PREX1: variants seen among roughly 807,000 people sequenced by gnomAD.
The protein encoded by PREX1 is phosphatidylinositol 3,4,5-trisphosphate-dependent Rac exchanger 1 protein.
In PREX1, 41 loss-of-function variants were observed where a neutral mutation model predicts 198.3. That is an observed-to-expected ratio of 0.21 (90% CI 0.16 to 0.27). PREX1 has a LOEUF of 0.27. PREX1 is among the 10% of genes least tolerant of loss of function. PREX1 has a pLI of 1.00. For missense variants in PREX1, 1,620 were observed against 2,200.7 expected (o/e 0.74, Z 5.28); for synonymous variants, 843 against 887.2 (o/e 0.95, Z 0.89).
the PREX1 span, among the ~76,000 whole-genome samples, chr20:48,838,199 C>T: frequency 0.028 from 4,277 of 152,274 alleles, 207 homozygotes; most frequent in African/African-American, 0.098. Flanking sequence ...GTTCTATTTC[C>T]TAACCCACAT....
the PREX1 span, among the ~76,000 whole-genome samples, chr20:48,883,287 C>T: frequency 1.3e-5 from 2 of 151,988 alleles, no homozygotes; most frequent in African/African-American, 2.4e-5. Flanking sequence ...TAAAAAATCC[C>T]ACAGCTAACA....
the PREX1 span, among the ~76,000 whole-genome samples, chr20:48,884,294 G>A: frequency 6.6e-6 from 1 of 152,118 alleles, no homozygotes; most frequent in African/African-American, 2.4e-5. Flanking sequence ...TTACTATAAG[G>A]TCACAATAAT....
chr20:48,726,298 G>T lies in PREX1; in HGVS notation c.613C>A (p.Leu205Ile). The T allele has an allele frequency of 6.2e-7, 1 of 1,613,426 alleles. No homozygotes were observed. Among genetic ancestry groups the T allele is most frequent in the South Asian group, 1.1e-5 (1 of 90,884 alleles). ...ATACGGGAAAGTCTCACCTTAAGGAGGAGCGGGTACTTGCAGATCCTCTGG... is the reference window on the plus strand; with the variant it reads ...ATACGGGAAAGTCTCACCTTAAGGATGAGCGGGTACTTGCAGATCCTCTGG... ...PIQRICKYPL[L>I]LKELAKRTPG... The change falls in exon 5 of 40, where the codon CTC becomes ATC. Residue 205 changes from leucine (L) to isoleucine (I), a missense_variant. By Grantham distance (5) the Leu-to-Ile change is conservative. Transcript: ENST00000371941.
the PREX1 span, among the ~76,000 whole-genome samples, chr20:48,844,008 C>T: frequency 6.6e-6 from 1 of 152,010 alleles, no homozygotes; most frequent in African/African-American, 2.4e-5. Flanking sequence ...GGCATGGTGG[C>T]ATGCAACACT....
chr20:48,829,988 G>A (rs978581477), upstream of PREX1, among the ~76,000 whole-genome samples: 9 of 152,136 alleles, frequency 5.9e-5, no homozygotes, highest in African/African-American at 1.9e-4. Context: ...GGGGAGGGGC[G>A]TGTCCTGTGC....
At chr20:48,854,016 G>A in the PREX1 span, among the ~76,000 whole-genome samples, 1 of 152,200 alleles carries the variant, frequency 6.6e-6, no homozygotes, top group African/African-American at 2.4e-5. Context: ...CTGCAAGGTG[G>A]AAACCCAATC....
chr20:48,840,799 C>G, the PREX1 span, among the ~76,000 whole-genome samples: 1 of 152,212 alleles, frequency 6.6e-6, no homozygotes, highest in Admixed American at 6.5e-5. Context: ...AGTTCTGTTG[C>G]TTACAATTGC....
intron 3 of PREX1, among the ~76,000 whole-genome samples, chr20:48,743,047 A>T (rs1392138436): frequency 6.6e-6 from 1 of 152,174 alleles, no homozygotes; most frequent in Non-Finnish European, 1.5e-5. Context: ...GGCCGGAGTA[A>T]CACTCACAGC....
intron 1 of PREX1, among the ~76,000 whole-genome samples, chr20:48,791,617 G>A (rs1450389702): frequency 2.0e-5 from 3 of 152,156 alleles, no homozygotes; most frequent in Non-Finnish European, 2.9e-5. Flanking sequence ...CAACACAATT[G>A]AAACGGACAA....
At position 48,655,369 on chromosome 20, in the gene PREX1, G is replaced by C. The variant is rs780422601; in HGVS notation, c.2130C>G (p.Ile710Met). 4.1e-5 allele frequency: 64 copies of C among 1,579,158 alleles called. No individual in the cohort carries two copies. The highest frequency in any genetic ancestry group is 7.0e-5 in the Admixed American group (4 of 56,748). ...LLVATKAKEI[I>M]KIPDQPDTLC... ...GTGTGTCCGGCTGGTCGGGGATTTT[G>C]ATGATCCTGCACCAGGTAGAAGAGG... The change falls in exon 19 of 40, where the codon ATC (isoleucine) becomes ATG (methionine). Residue 710 changes from isoleucine (I) to methionine (M), a missense_variant. By Grantham distance (10) the Ile-to-Met change is conservative (BLOSUM62 1). This residue lies in a region of PREX1 where 514 missense variants were observed against 611.6 expected (regional missense o/e 0.84). Transcript: ENST00000371941.
At chr20:48,744,516 C>A (rs1014324690) in intron 3 of PREX1, among the ~76,000 whole-genome samples, 1 of 152,160 alleles carries the variant, frequency 6.6e-6, no homozygotes, top group Non-Finnish European at 1.5e-5. Context: ...AGCCTACCAC[C>A]CACAATTCCA....
chr20:48,721,376 A>C (rs2089984474), intron 5 of PREX1, among the ~76,000 whole-genome samples: 1 of 152,248 alleles, frequency 6.6e-6, no homozygotes. Flanking sequence ...TCTATCGCAG[A>C]GGTGGCCAGG....
chr20:48,842,199 G>A, the PREX1 span, among the ~76,000 whole-genome samples: 1 of 152,144 alleles, frequency 6.6e-6, no homozygotes, highest in African/African-American at 2.4e-5. Flanking sequence ...AATGGACTTA[G>A]TGTCTGATTA....
At chr20:48,882,774 C>T in the PREX1 span, among the ~76,000 whole-genome samples, 7 of 152,094 alleles carry the variant, frequency 4.6e-5, no homozygotes, top group Admixed American at 4.6e-4. Flanking sequence ...TTTATCCTCA[C>T]TAGTGGGTGT....
chr20:48,730,773 T>C (rs80117391), intron 4 of PREX1, among the ~76,000 whole-genome samples: 11,028 of 151,976 alleles, frequency 0.073, 467 homozygotes, highest in Middle Eastern at 0.14. Context: ...AGAGGGAGGA[T>C]TGCTTTAGCC....
intron 1 of PREX1, among the ~76,000 whole-genome samples, chr20:48,767,887 C>T (rs2090216518): frequency 6.6e-6 from 1 of 152,286 alleles, no homozygotes; most frequent in South Asian, 2.1e-4. Context: ...AGCCACAAGT[C>T]GCCCCCGAGC....
chr20:48,842,903 C>T, the PREX1 span, among the ~76,000 whole-genome samples: 2 of 152,014 alleles, frequency 1.3e-5, no homozygotes, highest in African/African-American at 4.8e-5. Flanking sequence ...ATAATATATG[C>T]TCAATATAAA....
At chr20:48,734,307 C>T (rs1007402238) in intron 4 of PREX1, among the ~76,000 whole-genome samples, 1 of 152,242 alleles carries the variant, frequency 6.6e-6, no homozygotes, top group Non-Finnish European at 1.5e-5. Context: ...GGGCTGCTTT[C>T]ATGCTACAAT....
chr20:48,653,727 G>A (rs188338433), intron 19 of PREX1, among the ~76,000 whole-genome samples: 3 of 152,316 alleles, frequency 2.0e-5, no homozygotes, highest in African/African-American at 4.8e-5. Context: ...CCAAGGTCAC[G>A]CAGCAAGGCA....
Sources: allele counts gnomAD v4.1 joint callset (sites outside exome capture counted in the v4.1 genomes callset), GRCh38; gene constraint gnomAD v4.1.1; regional missense constraint gnomAD v4.1.1; transcripts MANE v1.5; gene names NCBI Gene and HGNC (gene_info 2026-07-23, HGNC 2026-07-21).